CARS2: variants seen among roughly 807,000 people sequenced by gnomAD.
The protein encoded by CARS2 is cysteinyl-tRNA synthetase 2, mitochondrial.
Under a neutral mutation model 68.8 loss-of-function variants are expected in CARS2, and 52 were observed. The ratio of observed to expected loss-of-function variants is 0.76; its 90% confidence interval spans 0.61 to 0.95. The LOEUF is 0.95. Ranked by LOEUF, CARS2 falls within the 40% of genes least tolerant of loss-of-function variation. The probability of loss-of-function intolerance (pLI) is 0.00; values close to 1 mark genes in which losing one functional copy is unlikely to be tolerated. For synonymous variants in CARS2, 314 were observed against 303.6 expected (o/e 1.03, Z -0.36); for missense variants, 780 against 754.2 (o/e 1.03, Z -0.40).
At position 110,705,767 on chromosome 13, in the gene CARS2, A is replaced by C; in HGVS notation, c.224+103T>G. 6.5e-7 allele frequency: 1 copy of C among 1,532,644 alleles called. No individual in the cohort carries two copies. Among genetic ancestry groups the C allele is most frequent in the South Asian group, 1.2e-5 (1 of 83,158 alleles). The allele number at this position is 1,532,644 out of a possible 1,614,324, so 94.9% of individuals were successfully genotyped here. ...CCCAGCTTCTAGAACGGCGCCCTCCATGCAGCTTCCTAAACGCCCTCCCCG... is the reference window on the plus strand; with the variant it reads ...CCCAGCTTCTAGAACGGCGCCCTCCCTGCAGCTTCCTAAACGCCCTCCCCG... On this transcript the variant is annotated intron_variant, in intron 1 of 14. Coordinates refer to ENST00000257347, the MANE Select transcript of CARS2 (RefSeq NM_024537.4). This position sits in a 1 kb window ranked among gnomAD's most constrained non-coding sequence, Gnocchi z 4.0.
In CARS2 at chr13:110,670,898, C is replaced by T. The variant is rs1044441593; in HGVS notation, c.786-3425G>A. On this transcript the variant is annotated intron_variant, in intron 7 of 14. Transcript: ENST00000257347. This position sits in a 1 kb window ranked among gnomAD's most constrained non-coding sequence, Gnocchi z 4.1. Reference sequence around the variant, plus strand: ...CCTGATGGAGCTGAAAACCATGGCACAACAACTATGTGATGCATGCACAAG... The same window carrying T: ...CCTGATGGAGCTGAAAACCATGGCATAACAACTATGTGATGCATGCACAAG... Among the ~76,000 whole-genome samples, 2 of 152,094 alleles carry T rather than the reference C, an allele frequency of 1.3e-5. No homozygotes were observed. Among genetic ancestry groups the T allele is most frequent in the African/African-American group, 4.8e-5 (2 of 41,420 alleles).
intron 8 of CARS2, chr13:110,666,836 G>A (rs1409440830): frequency 1.0e-6 from 1 of 985,372 alleles, no homozygotes; most frequent in Non-Finnish European, 1.2e-6. Context: ...TTGGAAATAC[G>A]ACTCTTCCAG....
rs547702190 is a variant in CARS2 at position 110,647,165 on chromosome 13, C to A, written c.1129G>T (p.Ala377Ser). 6.8e-6 allele frequency: 11 copies of A among 1,612,124 alleles called. No homozygotes were observed. The highest frequency in any genetic ancestry group is 9.3e-6 in the Non-Finnish European group (11 of 1,179,518). Residue 377 changes from alanine (A) to serine (S), a missense_variant, in exon 11 of 15, where the codon GCA becomes TCA. Coordinates refer to ENST00000257347, the MANE Select transcript of CARS2 (RefSeq NM_024537.4). ...LLGLGSFLEDARAYMKGQLAC... is the reference protein window; with the variant it reads ...LLGLGSFLEDSRAYMKGQLAC... ...AGCTGCCCCTTCATGTAGGCACGTG[C>A]GTCCTCCAGGAAAGAGCCCAGCCCC...
chr13:110,676,979 G>A lies in CARS2; in HGVS notation c.780C>T (p.Ile260=), dbSNP rs145315422. ...RPGWHIECSA[I]ASMVFGSQLD... is the part of the protein sequence containing the mutation. ...GGAAGCGGCAGGCACCTTACCTAGCGATGGCAGAGCACTCGATGTGCCAGC... is the reference window on the plus strand; with the variant it reads ...GGAAGCGGCAGGCACCTTACCTAGCAATGGCAGAGCACTCGATGTGCCAGC... The change falls in exon 7 of 15, where the codon ATC becomes ATT. Residue 260 remains isoleucine, a synonymous_variant. Coordinates refer to ENST00000257347, the MANE Select transcript of CARS2 (RefSeq NM_024537.4). This position sits in a 1 kb window ranked among gnomAD's most constrained non-coding sequence, Gnocchi z 4.0. 344 of 1,573,568 alleles carry A rather than the reference G, an allele frequency of 2.2e-4. No homozygotes were observed. Among genetic ancestry groups the A allele is most frequent in the Non-Finnish European group, 2.8e-4 (328 of 1,154,190 alleles).
At chr13:110,646,178 G>T in intron 11 of CARS2, 88 bp from the exon 12 acceptor site, 1 of 1,434,564 alleles carries the variant, frequency 7.0e-7, no homozygotes, top group East Asian at 2.4e-5. Context: ...AGGGAGAGAC[G>T]CTGGGGGCTC....
chr13:110,666,679 A>G, intron 8 of CARS2: 1 of 985,438 alleles, frequency 1.0e-6, no homozygotes, highest in Non-Finnish European at 1.2e-6. Flanking sequence ...AAAAGATAGT[A>G]TTTGTTAATT....
chr13:110,659,217 G>A (rs1331687567), intron 9 of CARS2, among the ~76,000 whole-genome samples: 1 of 152,078 alleles, frequency 6.6e-6, no homozygotes, highest in Non-Finnish European at 1.5e-5. Flanking sequence ...CAGCCTGCCA[G>A]CCCTGAATAT....
At chr13:110,652,441 C>A (rs914565682) in intron 9 of CARS2, among the ~76,000 whole-genome samples, 6 of 152,286 alleles carry the variant, frequency 3.9e-5, no homozygotes, top group African/African-American at 1.4e-4. Flanking sequence ...AAAACACACA[C>A]AACTGAAGAG....
intron 6 of CARS2, 79 bp from the exon 7 acceptor site, chr13:110,677,182 C>A (rs189085438): frequency 5.9e-5 from 84 of 1,432,668 alleles, no homozygotes; most frequent in Middle Eastern, 3.7e-4. Context: ...ACCCCCACCA[C>A]AGAAACCCAG....
chr13:110,663,121 G>A (rs752109579), intron 9 of CARS2: 13 of 506,858 alleles, frequency 2.6e-5, no homozygotes, highest in African/African-American at 7.7e-5. Context: ...GGGTGAGGGC[G>A]GGAAGGAAGT....
chr13:110,676,334 G>A lies in CARS2; in HGVS notation c.785+640C>T, dbSNP rs144293994. On this transcript the variant is annotated intron_variant, in intron 7 of 14. Transcript: ENST00000257347. The surrounding 1 kb of genome is among the most constrained non-coding windows in gnomAD (Gnocchi z 4.0). ...CCAAGGGGACCAGGGAGAAGGCGGA[G>A]AAAGCTCTACTGAGAGGCAGAAACC... Among the ~76,000 whole-genome samples, 3 of 152,210 alleles carry A rather than the reference G, an allele frequency of 2.0e-5. No individual in the cohort carries two copies. Among genetic ancestry groups the A allele is most frequent in the South Asian group, 4.1e-4 (2 of 4,828 alleles).
chr13:110,702,249 G>A (rs2063808180), intron 2 of CARS2, among the ~76,000 whole-genome samples: 1 of 152,096 alleles, frequency 6.6e-6, no homozygotes, highest in African/African-American at 2.4e-5. Flanking sequence ...GGGAATCCTA[G>A]CCATGTTATT....
At chr13:110,664,285 C>A in intron 8 of CARS2, 1 of 761,364 alleles carries the variant, frequency 1.3e-6, no homozygotes. Context: ...GGTGGAAGGA[C>A]CGCTTGAGCC....
rs1005473145 is a variant in CARS2 at position 110,665,537 on chromosome 13, C to T, written c.919+1803G>A. The T allele has an allele frequency of 4.3e-5, 42 of 985,402 alleles. No homozygotes were observed. The highest frequency in any genetic ancestry group is 5.2e-4 in the Middle Eastern group (1 of 1,936). 61.0% of individuals were successfully genotyped at this position (985,402 alleles called of 1,614,324 possible). ...GGCCCCTCCTCATTACCTGACAGGA[C>T]GAAGCGTTGGCACAGCTAAGGCTGC... On this transcript the variant is annotated intron_variant, in intron 8 of 14. Coordinates refer to ENST00000257347, the MANE Select transcript of CARS2 (RefSeq NM_024537.4). This position sits in a 1 kb window ranked among gnomAD's most constrained non-coding sequence, Gnocchi z 4.3.
At position 110,677,020 on chromosome 13, in the gene CARS2, C is replaced by T. The variant is rs372177940; in HGVS notation, c.739G>A (p.Gly247Arg). 230 of 1,604,522 alleles carry T rather than the reference C, an allele frequency of 1.4e-4. No individual in the cohort carries two copies. Among genetic ancestry groups the T allele is most frequent in the Non-Finnish European group, 1.9e-4 (219 of 1,172,862 alleles). ...ATGTGCCAGCCCGGCCTCCCGGGTC[C>T]CCAGGGAGAGGCCCAGAACACCTCC... ...PQEVFWASPW[G>R]PGRPGWHIEC... Residue 247 changes from glycine (G) to arginine (R), a missense_variant, in exon 7 of 15, where the codon GGA (glycine) becomes AGA (arginine). Transcript: ENST00000257347.
At chr13:110,704,297 G>A (rs2063875115) in intron 2 of CARS2, among the ~76,000 whole-genome samples, 1 of 152,156 alleles carries the variant, frequency 6.6e-6, no homozygotes, top group South Asian at 2.1e-4. Context: ...TTTGTGGAAA[G>A]GTTTTCCAGG....
exon 1 of CARS2, chr13:110,713,306 G>T (rs937759970): frequency 6.3e-5 from 75 of 1,195,614 alleles, no homozygotes; most frequent in Non-Finnish European, 7.6e-5. Flanking sequence ...TGTGTACCAT[G>T]GTCTCGGAGG....
intron 9 of CARS2, among the ~76,000 whole-genome samples, chr13:110,659,016 G>A (rs529147103): frequency 1.2e-4 from 19 of 152,204 alleles, no homozygotes; most frequent in African/African-American, 4.6e-4. Context: ...GATTATGTAG[G>A]AAAGCATCCT....
intron 9 of CARS2, among the ~76,000 whole-genome samples, chr13:110,656,122 G>A (rs368860): frequency 0.28 from 42,987 of 152,108 alleles, 6,772 homozygotes; most frequent in African/African-American, 0.39. Context: ...GGCCAACATG[G>A]TGAAACCCCA....
Sources: gnomAD v4.1 joint callset for allele counts (sites outside exome capture counted in the v4.1 genomes callset) on GRCh38, gnomAD v4.1.1 for gene constraint, Gnocchi (gnomAD v3.1) non-coding constraint, MANE v1.5 for transcripts, NCBI Gene and HGNC (gene_info 2026-07-23, HGNC 2026-07-21) for gene names.